Variants in EHBP1 observed in about 807,000 individuals in gnomAD.
The protein encoded by EHBP1 is EH domain-binding protein 1.
EHBP1 carries 55 observed loss-of-function variants against 144.0 expected under a neutral mutation model. That is an observed-to-expected ratio of 0.38 (90% CI 0.31 to 0.48). The LOEUF (loss-of-function observed/expected upper bound fraction) is 0.48. Among genes scored for constraint, EHBP1 ranks in the 20% least tolerant of loss-of-function variants. The pLI is 0.98. For synonymous variants in EHBP1, 469 were observed against 472.7 expected (o/e 0.99, Z 0.10); for missense variants, 1,200 against 1,364.2 (o/e 0.88, Z 1.90).
chr2:62,921,462 A>T lies in EHBP1; in HGVS notation c.1186-21256A>T, dbSNP rs552336787. On this transcript the variant is annotated intron_variant, in intron 10 of 22. Coordinates refer to ENST00000431489, the MANE Select transcript of EHBP1 (RefSeq NM_001142616.3). ...CTTGTCTCAAAAAAGAAAAAAAAAA[A>T]AGTAATCCCCATGATAACCACAAAG... Among the ~76,000 whole-genome samples the T allele has an allele frequency of 2.6e-5, 4 of 152,128 alleles. No individual in the cohort carries two copies. In the East Asian group the frequency reaches 7.7e-4, roughly 29 times the overall value.
At chr2:62,840,913 A>G (rs2047782120) in intron 7 of EHBP1, among the ~76,000 whole-genome samples, 1 of 152,202 alleles carries the variant, frequency 6.6e-6, no homozygotes. Flanking sequence ...TAGTTCAACC[A>G]TTGTGGAAGT....
chr2:62,928,542 A>G (rs1221884542), intron 10 of EHBP1, among the ~76,000 whole-genome samples: 2 of 152,184 alleles, frequency 1.3e-5, no homozygotes, highest in East Asian at 3.8e-4. Context: ...TGGAAGATGC[A>G]GCTTAATGTC....
chr2:63,019,099 A>G (rs2060596130), intron 19 of EHBP1, among the ~76,000 whole-genome samples: 1 of 152,174 alleles, frequency 6.6e-6, no homozygotes, highest in South Asian at 2.1e-4. Flanking sequence ...GTGATTCTCA[A>G]ACTTTTATAT....
intron 7 of EHBP1, among the ~76,000 whole-genome samples, chr2:62,835,651 G>A (rs1363343747): frequency 2.0e-5 from 3 of 152,184 alleles, no homozygotes; most frequent in African/African-American, 4.8e-5. Context: ...TGCGCGAGCC[G>A]AAGCAGGGCG....
In EHBP1 at chr2:62,715,732, A is replaced by G. The variant is rs527318409; in HGVS notation, c.104+8437A>G. Among the ~76,000 whole-genome samples, 32 of 152,306 alleles carry G rather than the reference A, an allele frequency of 2.1e-4. No individual in the cohort carries two copies. The South Asian group carries it at 4.8e-3, about 23-fold the overall frequency. On this transcript the variant is annotated intron_variant, in intron 2 of 22. Coordinates refer to ENST00000431489, the MANE Select transcript of EHBP1 (RefSeq NM_001142616.3). Reference sequence around the variant, plus strand: ...ATTTTCAACTATGTGAATGAGATCAACAACTGGGGGATGATGGGTAACAAG... The same window carrying G: ...ATTTTCAACTATGTGAATGAGATCAGCAACTGGGGGATGATGGGTAACAAG...
chr2:62,841,281 A>T (rs997652732), intron 7 of EHBP1, among the ~76,000 whole-genome samples: 3 of 145,562 alleles, frequency 2.1e-5, no homozygotes, highest in African/African-American at 7.7e-5. Context: ...ATAGGTGGGA[A>T]CTGAACAATG....
At chr2:62,908,233 C>T (rs2053949546) in intron 10 of EHBP1, among the ~76,000 whole-genome samples, 1 of 152,098 alleles carries the variant, frequency 6.6e-6, no homozygotes, top group Non-Finnish European at 1.5e-5. Flanking sequence ...AATTAATTGG[C>T]ATAAAGTTCA....
intron 2 of EHBP1, among the ~76,000 whole-genome samples, chr2:62,733,079 C>T (rs1263270768): frequency 6.6e-6 from 1 of 152,140 alleles, no homozygotes; most frequent in Non-Finnish European, 1.5e-5. Context: ...ATTTCATTAT[C>T]TCTGCTCTGA....
At position 62,767,622 on chromosome 2, in the gene EHBP1, C is replaced by T. The variant is rs373082603; in HGVS notation, c.258+3261C>T. On this transcript the variant is annotated intron_variant, in intron 4 of 22. Coordinates refer to ENST00000431489, the MANE Select transcript of EHBP1 (RefSeq NM_001142616.3). ...GGTTGAGGCAAGGAGATCGTTTGAG[C>T]TCAGGAGTTCAAGACCATCCTGGGC... Among the ~76,000 whole-genome samples the T allele has an allele frequency of 2.4e-4, 36 of 152,020 alleles. 1 individual carries two copies. The East Asian group carries it at 3.9e-3, about 16-fold the overall frequency.
chr2:62,938,822 A>C (rs2056559199), intron 10 of EHBP1, among the ~76,000 whole-genome samples: 1 of 152,090 alleles, frequency 6.6e-6, no homozygotes, highest in Admixed American at 6.5e-5. Context: ...AAAAAGAAGA[A>C]GAAGAAGAAA....
At chr2:62,716,679 G>A (rs1023435072) in intron 2 of EHBP1, among the ~76,000 whole-genome samples, 2 of 152,210 alleles carry the variant, frequency 1.3e-5, no homozygotes, top group Non-Finnish European at 2.9e-5. Flanking sequence ...AGTTGATGCA[G>A]TTGTCTTCCA....
chr2:63,001,283 T>G (rs1206753993), intron 19 of EHBP1, among the ~76,000 whole-genome samples: 2 of 152,210 alleles, frequency 1.3e-5, no homozygotes, highest in African/African-American at 4.8e-5. Flanking sequence ...TTTATAACCT[T>G]TAAGCACTGA....
At chr2:62,970,091 CTTT>C (rs199945341) in intron 14 of EHBP1, among the ~76,000 whole-genome samples, 2 of 131,998 alleles carry the variant, frequency 1.5e-5, no homozygotes, top group Admixed American at 7.7e-5. Flanking sequence ...ACACAGAATT[CTTT>C]TTTTTTTTTT....
chr2:62,880,092 G>T (rs1328077775), intron 10 of EHBP1, among the ~76,000 whole-genome samples: 1 of 152,130 alleles, frequency 6.6e-6, no homozygotes, highest in Non-Finnish European at 1.5e-5. Flanking sequence ...TGAGAAAGTT[G>T]ACAAAAACAA....
intron 14 of EHBP1, among the ~76,000 whole-genome samples, chr2:62,971,759 A>G (rs2058507359): frequency 6.6e-6 from 1 of 152,240 alleles, no homozygotes; most frequent in South Asian, 2.1e-4. Context: ...AGGGCACAGA[A>G]CTAGTATTTA....
At chr2:62,786,231 C>A (rs968291025) in intron 5 of EHBP1, among the ~76,000 whole-genome samples, 3 of 151,962 alleles carry the variant, frequency 2.0e-5, no homozygotes, top group Non-Finnish European at 4.4e-5. Flanking sequence ...TGAGATGGAC[C>A]CTGGCATTTC....
upstream of EHBP1, among the ~76,000 whole-genome samples, chr2:62,702,842 T>C (rs2034318800): frequency 6.6e-6 from 1 of 152,234 alleles, no homozygotes; most frequent in Admixed American, 6.5e-5. Context: ...TGCCAGATAC[T>C]TTATGTACAT....
At chr2:62,947,199 C>T (rs116257088) in intron 12 of EHBP1, among the ~76,000 whole-genome samples, 4 of 152,278 alleles carry the variant, frequency 2.6e-5, no homozygotes, top group Non-Finnish European at 5.9e-5. Context: ...AAGCCTAGTG[C>T]TGTGAAAATT....
At chr2:62,677,179 G>C (rs2033330595) in intron 1 of EHBP1, among the ~76,000 whole-genome samples, 1 of 152,170 alleles carries the variant, frequency 6.6e-6, no homozygotes, top group Non-Finnish European at 1.5e-5. Context: ...CAGGTTGACA[G>C]AGCAAGCCTG....
Sources: gnomAD v4.1 joint callset for allele counts (sites outside exome capture counted in the v4.1 genomes callset) on GRCh38, gnomAD v4.1.1 for gene constraint, MANE v1.5 for transcripts, NCBI Gene and HGNC (gene_info 2026-07-23, HGNC 2026-07-21) for gene names.